TMEM132D: variants seen among roughly 807,000 people sequenced by gnomAD.
TMEM132D encodes the protein mature OL transmembrane protein.
Under a neutral mutation model 62.3 loss-of-function variants are expected in TMEM132D, and 21 were observed. That is an observed-to-expected ratio of 0.34 (90% CI 0.24 to 0.49). The LOEUF (loss-of-function observed/expected upper bound fraction) is 0.49, where lower values mean the gene tolerates loss of function less well. Ranked by LOEUF, TMEM132D falls within the 20% of genes least tolerant of loss-of-function variation. The pLI, the probability that TMEM132D is intolerant of heterozygous loss-of-function variation, is 0.99. For synonymous variants in TMEM132D, 621 were observed against 575.6 expected (o/e 1.08, Z -1.13); for missense variants, 1,346 against 1,402.8 (o/e 0.96, Z 0.65).
In TMEM132D at chr12:129,074,498, C is replaced by A. The variant is rs2135603367; in HGVS notation, c.2677G>T (p.Asp893Tyr). ...ATTTCCCCATTGCTTCTGGGGAGGT[C>A]CACCTGGGCTGGGAAGCTGGTGAGG... ...SDLTSFPAQV[D>Y]LPRSNGEMDG... The change falls in exon 9 of 9, where the codon GAC becomes TAC. Residue 893 changes from aspartate to tyrosine, a missense_variant. Physicochemically the swap from Asp to Tyr is radical, Grantham distance 160 (BLOSUM62 -3). Transcript: ENST00000422113. 1 of 1,614,088 alleles carries A rather than the reference C, an allele frequency of 6.2e-7. No homozygotes were observed. Among genetic ancestry groups the A allele is most frequent in the Non-Finnish European group, 8.5e-7 (1 of 1,180,026 alleles).
chr12:129,081,695 T>C, intron 7 of TMEM132D, 64 bp downstream of exon 7: 1 of 1,517,572 alleles, frequency 6.6e-7, no homozygotes, highest in Non-Finnish European at 8.8e-7. Flanking sequence ...GTTTCTCCTC[T>C]AGGTAGAGCA....
chr12:129,851,396 T>C (rs920777246), intron 1 of TMEM132D, among the ~76,000 whole-genome samples: 3 of 152,128 alleles, frequency 2.0e-5, no homozygotes. Flanking sequence ...AAATATTAAA[T>C]TGAAAAATTG....
intron 1 of TMEM132D, among the ~76,000 whole-genome samples, chr12:129,712,102 C>T (rs906091776): frequency 7.2e-5 from 11 of 151,994 alleles, no homozygotes; most frequent in African/African-American, 2.4e-4. Context: ...ATGTTTTCAT[C>T]TTTATTATTT....
intron 5 of TMEM132D, among the ~76,000 whole-genome samples, chr12:129,192,430 G>C (rs768438071): frequency 6.6e-6 from 1 of 152,134 alleles, no homozygotes; most frequent in Non-Finnish European, 1.5e-5. Context: ...TCTCTTCTTG[G>C]ATCAAAGACC....
intron 4 of TMEM132D, among the ~76,000 whole-genome samples, chr12:129,258,996 G>A (rs570370743): frequency 5.1e-4 from 77 of 152,290 alleles, no homozygotes; most frequent in African/African-American, 1.7e-3. Context: ...AATGAGGTAA[G>A]CCAGGATGTG....
intron 3 of TMEM132D, among the ~76,000 whole-genome samples, chr12:129,422,638 C>T (rs1407488516): frequency 2.6e-5 from 4 of 152,078 alleles, no homozygotes; most frequent in Non-Finnish European, 4.4e-5. Flanking sequence ...CCATGTCTAT[C>T]GAAGTCAACA....
At chr12:129,723,600 T>A (rs927563434) in intron 1 of TMEM132D, among the ~76,000 whole-genome samples, 1 of 152,360 alleles carries the variant, frequency 6.6e-6, no homozygotes, top group East Asian at 1.9e-4. Context: ...CCTTCCTCCA[T>A]GGCTCTGTCC....
At chr12:129,300,347 A>C (rs4759608) in intron 4 of TMEM132D, among the ~76,000 whole-genome samples, 1 of 152,000 alleles carries the variant, frequency 6.6e-6, no homozygotes, top group Non-Finnish European at 1.5e-5. Context: ...ATCTATTGAG[A>C]TAAAAAGACA....
At chr12:129,258,975 G>A (rs539626145) in intron 4 of TMEM132D, among the ~76,000 whole-genome samples, 13 of 152,326 alleles carry the variant, frequency 8.5e-5, no homozygotes, top group Non-Finnish European at 1.6e-4. Context: ...ACAATTATAA[G>A]GATGTGAGAT....
At position 129,492,676 on chromosome 12, in the gene TMEM132D, C is replaced by T. The variant is rs186172707; in HGVS notation, c.1115+38383G>A. ...TAGTAATGCTCCTGGTTGAGTTTTG[C>T]GCTTTCATCTGATGACAGTACCACC... On this transcript the variant is annotated intron_variant, in intron 3 of 8. Coordinates refer to ENST00000422113, the MANE Select transcript of TMEM132D (RefSeq NM_133448.3). 1.4e-3 allele frequency among the ~76,000 whole-genome samples: 207 copies of T among 152,226 alleles called. 1 individual carries two copies. Among genetic ancestry groups the T allele is most frequent in the African/African-American group, 4.7e-3 (194 of 41,530 alleles).
chr12:129,082,775 G>T (rs569902849), intron 6 of TMEM132D, among the ~76,000 whole-genome samples: 2 of 152,182 alleles, frequency 1.3e-5, no homozygotes, highest in African/African-American at 4.8e-5. Context: ...TGTCACCCAG[G>T]CTGGAGTGCA....
At chr12:129,190,030 G>A (rs895080242) in intron 5 of TMEM132D, among the ~76,000 whole-genome samples, 4 of 151,942 alleles carry the variant, frequency 2.6e-5, no homozygotes, top group Admixed American at 6.6e-5. Flanking sequence ...GATGCAACAC[G>A]GCTGGCGCTG....
intron 4 of TMEM132D, among the ~76,000 whole-genome samples, chr12:129,280,531 G>C (rs372869066): frequency 1.3e-5 from 2 of 152,064 alleles, no homozygotes; most frequent in African/African-American, 4.8e-5. Flanking sequence ...TCCTTAGGAC[G>C]TTCACTAAGT....
chr12:129,113,642 T>C (rs1280070155), intron 5 of TMEM132D, among the ~76,000 whole-genome samples: 4 of 152,078 alleles, frequency 2.6e-5, no homozygotes, highest in Non-Finnish European at 4.4e-5. Flanking sequence ...AGTTTGTAGC[T>C]GTAGACCCGT....
chr12:129,109,326 C>T (rs901777872), intron 5 of TMEM132D, among the ~76,000 whole-genome samples: 3 of 152,190 alleles, frequency 2.0e-5, no homozygotes, highest in Non-Finnish European at 2.9e-5. Context: ...GTCACTTAAC[C>T]TCTCTGTGCC....
At chr12:129,145,864 G>A (rs530053870) in intron 5 of TMEM132D, among the ~76,000 whole-genome samples, 15 of 152,058 alleles carry the variant, frequency 9.9e-5, no homozygotes, top group Non-Finnish European at 1.9e-4. Flanking sequence ...TGGGTTCTTA[G>A]CCAGTAAAGC....
intron 1 of TMEM132D, among the ~76,000 whole-genome samples, chr12:129,794,253 AT>A (rs3046861): frequency 0.017 from 1,902 of 111,546 alleles, 46 homozygotes; most frequent in South Asian, 0.12. Flanking sequence ...CATGCCCAGC[AT>A]TTTTTTTTTT....
chr12:129,506,728 A>G (rs1034535050), intron 3 of TMEM132D, among the ~76,000 whole-genome samples: 1 of 152,218 alleles, frequency 6.6e-6, no homozygotes, highest in African/African-American at 2.4e-5. Context: ...ATGAATGACT[A>G]AATCTAAGAC....
intron 4 of TMEM132D, among the ~76,000 whole-genome samples, chr12:129,322,397 G>A (rs1041275551): frequency 6.6e-6 from 1 of 152,202 alleles, no homozygotes. Flanking sequence ...ATGCCATGAT[G>A]GCCATTTCTC....
Sources: gnomAD v4.1 joint callset for allele counts (sites outside exome capture counted in the v4.1 genomes callset) on GRCh38, gnomAD v4.1.1 for gene constraint, MANE v1.5 for transcripts, NCBI Gene and HGNC (gene_info 2026-07-23, HGNC 2026-07-21) for gene names.